PALLD: variants seen among roughly 807,000 people sequenced by gnomAD.
The protein encoded by PALLD is palladin.
A neutral mutation model predicts 123.5 loss-of-function variants in PALLD; 61 were observed. The ratio of observed to expected loss-of-function variants is 0.49; its 90% CI spans 0.40 to 0.61. PALLD has a LOEUF of 0.61. PALLD is among the 20% of genes least tolerant of loss of function. PALLD has a pLI of 0.00. For synonymous variants in PALLD, 465 were observed against 496.4 expected (o/e 0.94, Z 0.84); for missense variants, 1,273 against 1,377.0 (o/e 0.92, Z 1.20).
At chr4:168,704,317 G>A (rs1272500211) in intron 8 of PALLD, among the ~76,000 whole-genome samples, 1 of 152,098 alleles carries the variant, frequency 6.6e-6, no homozygotes, top group Non-Finnish European at 1.5e-5. Flanking sequence ...CATGACATAG[G>A]CATGGACAAT....
At chr4:168,868,508 C>T (rs1315416846) in intron 10 of PALLD, among the ~76,000 whole-genome samples, 3 of 152,186 alleles carry the variant, frequency 2.0e-5, no homozygotes, top group African/African-American at 7.2e-5. Flanking sequence ...GCCTCATTCT[C>T]CTTCCAGAAA....
At chr4:168,643,708 G>A (rs955609537) in intron 2 of PALLD, among the ~76,000 whole-genome samples, 2 of 152,138 alleles carry the variant, frequency 1.3e-5, no homozygotes, top group African/African-American at 4.8e-5. Context: ...AGCAAAAACT[G>A]GGAAATATAA....
chr4:168,761,641 GTTTGTTTTTTTTTTTTT>G (rs1732864379), intron 10 of PALLD, among the ~76,000 whole-genome samples: 1 of 11,650 alleles, frequency 8.6e-5, no homozygotes, highest in Non-Finnish European at 2.1e-4. Flanking sequence ...TGTTGTTGTT[GTTTGTTTTTTTTTTTTT>G]TTTTTTTTTT....
At chr4:168,533,606 G>C (rs1165591681) in intron 2 of PALLD, among the ~76,000 whole-genome samples, 5 of 152,168 alleles carry the variant, frequency 3.3e-5, no homozygotes, top group Non-Finnish European at 7.3e-5. Flanking sequence ...ACTTGAGTCT[G>C]AGGTATAGGA....
chr4:168,903,094 T>A (rs1184305416), intron 14 of PALLD, among the ~76,000 whole-genome samples: 10 of 152,206 alleles, frequency 6.6e-5, no homozygotes, highest in Admixed American at 6.5e-4. Context: ...CCAAGTTACA[T>A]ATCTGAAAAT....
intron 10 of PALLD, among the ~76,000 whole-genome samples, chr4:168,887,384 T>A (rs1296232130): frequency 6.6e-6 from 1 of 152,126 alleles, no homozygotes; most frequent in African/African-American, 2.4e-5. Flanking sequence ...TGGCTGACTT[T>A]TAAAAACCAG....
intron 2 of PALLD, among the ~76,000 whole-genome samples, chr4:168,538,763 G>C (rs10023989): frequency 0.24 from 37,213 of 152,034 alleles, 6,305 homozygotes; most frequent in African/African-American, 0.49. Context: ...ACCGGCAAAG[G>C]CTCCAAAAAT....
At chr4:168,575,930 A>G (rs1250135320) in intron 2 of PALLD, among the ~76,000 whole-genome samples, 4 of 152,074 alleles carry the variant, frequency 2.6e-5, no homozygotes, top group Non-Finnish European at 5.9e-5. Flanking sequence ...ATTAACCTTC[A>G]GGGAAGTAGG....
Position 168,837,569 on chromosome 4 carries a change from T to A in PALLD, c.1965-53353T>A, listed in dbSNP as rs191843822. Reference sequence around the variant, plus strand: ...CATAGAATATATACCGTTCGTTGAGTACTTCAAACCAGAAAATGTGCTAAA... The same window carrying A: ...CATAGAATATATACCGTTCGTTGAGAACTTCAAACCAGAAAATGTGCTAAA... On this transcript the variant is annotated intron_variant, in intron 10 of 21. Transcript: ENST00000505667. Among the ~76,000 whole-genome samples, 216 of 152,326 alleles carry A rather than the reference T, an allele frequency of 1.4e-3. 2 individuals are homozygous for A. The highest frequency in any genetic ancestry group is 9.8e-4 in the Non-Finnish European group (67 of 68,028).
chr4:168,809,335 TTCTTC>T (rs1740715100), intron 10 of PALLD, among the ~76,000 whole-genome samples: 1 of 100,658 alleles, frequency 9.9e-6, no homozygotes, highest in Non-Finnish European at 2.5e-5. Flanking sequence ...CTTCTTCTTC[TTCTTC>T]TTTTTTTTTT....
At chr4:168,879,199 C>T (rs933834110) in intron 10 of PALLD, among the ~76,000 whole-genome samples, 6 of 152,074 alleles carry the variant, frequency 3.9e-5, no homozygotes, top group Non-Finnish European at 8.8e-5. Context: ...CTCTTTACAT[C>T]ACAGTGATGA....
intron 2 of PALLD, among the ~76,000 whole-genome samples, chr4:168,515,952 G>A (rs544802208): frequency 1.1e-4 from 17 of 152,290 alleles, no homozygotes; most frequent in Admixed American, 3.3e-4. Flanking sequence ...ACTCAGGGAA[G>A]AAGTAACAGA....
At chr4:168,804,860 C>T (rs6858318) in intron 10 of PALLD, among the ~76,000 whole-genome samples, 138,892 of 152,176 alleles carry the variant, frequency 0.91, 63,453 homozygotes, top group African/African-American at 0.94. Flanking sequence ...TTATTTTATT[C>T]CAAGAGTTCC....
rs1326739419 is a variant in PALLD at position 168,905,154 on chromosome 4, T to G, written c.2622+1248T>G. 1.9e-4 allele frequency among the ~76,000 whole-genome samples: 26 copies of G among 135,644 alleles called. 1 individual carries two copies. The highest frequency in any genetic ancestry group is 5.1e-4 in the Admixed American group (7 of 13,772). The allele number at this position is 135,644 out of a possible 152,430, so 89.0% of individuals were successfully genotyped here. ...GTTTTGTTGGTTTTTTTTTTTTTTT[T>G]TTTTTTTTTTTTTTGAGATGGAATC... On this transcript the variant is annotated intron_variant, in intron 15 of 21. Transcript: ENST00000505667.
At chr4:168,775,702 AT>A (rs1735088866) in intron 10 of PALLD, among the ~76,000 whole-genome samples, 2 of 152,134 alleles carry the variant, frequency 1.3e-5, no homozygotes, top group South Asian at 2.1e-4. Flanking sequence ...TTTTAAGTCA[AT>A]TTTTTATATG....
intron 10 of PALLD, among the ~76,000 whole-genome samples, chr4:168,809,361 G>A (rs1740725355): frequency 6.6e-6 from 1 of 150,574 alleles, no homozygotes; most frequent in African/African-American, 2.4e-5. Context: ...TGGAGAGACA[G>A]GGTCTCACCC....
intron 2 of PALLD, among the ~76,000 whole-genome samples, chr4:168,625,502 G>GATAGATAGATAGATAGATATATAT: frequency 6.1e-5 from 7 of 114,468 alleles, no homozygotes; most frequent in Non-Finnish European, 1.1e-4. Flanking sequence ...ATATCCAGGA[G>GATAGATAGATAGATAGATATATAT]ATATATATAT....
chr4:168,925,695 A>G (rs961024366), intron 21 of PALLD, among the ~76,000 whole-genome samples: 3 of 152,206 alleles, frequency 2.0e-5, no homozygotes, highest in African/African-American at 7.2e-5. Context: ...AAAAAACACT[A>G]GAAAAAAATT....
chr4:168,634,649 C>T (rs764651454), intron 2 of PALLD, among the ~76,000 whole-genome samples: 8 of 152,192 alleles, frequency 5.3e-5, no homozygotes, highest in Non-Finnish European at 8.8e-5. Context: ...TCTACTCCAG[C>T]ACATTCCATC....
Sources: allele counts gnomAD v4.1 joint callset (sites outside exome capture counted in the v4.1 genomes callset), GRCh38; gene constraint gnomAD v4.1.1; transcripts MANE v1.5; gene names NCBI Gene and HGNC (gene_info 2026-07-23, HGNC 2026-07-21).